Variants in TMTC1 observed in about 807,000 individuals in gnomAD.
The protein encoded by TMTC1 is transmembrane O-mannosyltransferase targeting cadherins 1.
A neutral mutation model predicts 104.8 loss-of-function variants in TMTC1; 73 were observed. The observed-to-expected ratio is 0.70, with a 90% CI of 0.58 to 0.85. TMTC1 has a LOEUF of 0.85. Ranked by LOEUF, TMTC1 falls within the 40% of genes least tolerant of loss-of-function variation. The probability of loss-of-function intolerance (pLI) is 0.00; values close to 1 mark genes in which losing one functional copy is unlikely to be tolerated. For missense variants in TMTC1, 1,035 were observed against 1,096.1 expected (o/e 0.94, Z 0.79); for synonymous variants, 434 against 428.7 (o/e 1.01, Z -0.15).
Position 29,686,910 on chromosome 12 carries a change from T to C in TMTC1, c.939-53574A>G, listed in dbSNP as rs532352463. On this transcript the variant is annotated intron_variant, in intron 5 of 17. Transcript: ENST00000539277. The stretch of plus-strand genomic sequence containing the variant: ...AACAAGTGATGTATTTTCACCACAT[T>C]TGGAGTTATGTAGTATGATTGGAAT... Among the ~76,000 whole-genome samples the C allele has an allele frequency of 4.6e-5, 7 of 152,278 alleles. No homozygotes were observed. The East Asian group carries it at 1.2e-3, about 25-fold the overall frequency.
intron 16 of TMTC1, among the ~76,000 whole-genome samples, chr12:29,513,854 T>C (rs1943907362): frequency 1.3e-5 from 2 of 152,130 alleles, no homozygotes; most frequent in South Asian, 4.1e-4. Flanking sequence ...AGATAAACTA[T>C]GCAAGGATTT....
intron 7 of TMTC1, among the ~76,000 whole-genome samples, chr12:29,585,663 T>TA (rs372238584): frequency 0.052 from 7,858 of 152,298 alleles, 673 homozygotes; most frequent in African/African-American, 0.18. Context: ...TACATATGGC[T>TA]AGCCAGTTTT....
chr12:29,770,405 T>C (rs1016072080), intron 1 of TMTC1, among the ~76,000 whole-genome samples: 1 of 152,172 alleles, frequency 6.6e-6, no homozygotes, highest in Non-Finnish European at 1.5e-5. Flanking sequence ...AAAATACTTC[T>C]GTAAGACAGA....
intron 6 of TMTC1, among the ~76,000 whole-genome samples, chr12:29,630,528 C>A (rs1440329639): frequency 6.6e-6 from 1 of 152,130 alleles, no homozygotes; most frequent in Non-Finnish European, 1.5e-5. Context: ...ACAGCCAAAC[C>A]ATGTCATATA....
chr12:29,713,474 T>G (rs930295247), intron 5 of TMTC1, among the ~76,000 whole-genome samples: 3 of 152,102 alleles, frequency 2.0e-5, no homozygotes. Flanking sequence ...TGTAACATCA[T>G]GCACTGACCA....
chr12:29,740,981 C>G (rs1942810039), intron 5 of TMTC1, among the ~76,000 whole-genome samples: 1 of 152,092 alleles, frequency 6.6e-6, no homozygotes, highest in African/African-American at 2.4e-5. Flanking sequence ...TTTAAACAAA[C>G]TTTTAAAAGT....
intron 1 of TMTC1, among the ~76,000 whole-genome samples, chr12:29,772,494 T>C (rs1943616728): frequency 6.6e-6 from 1 of 152,156 alleles, no homozygotes. Context: ...AAGAGGAGAA[T>C]ATTCCCATGT....
intron 6 of TMTC1, among the ~76,000 whole-genome samples, chr12:29,613,707 C>T (rs1946905529): frequency 6.6e-6 from 1 of 152,182 alleles, no homozygotes; most frequent in South Asian, 2.1e-4. Context: ...AAATCAGATA[C>T]ATTTTCATAA....
intron 10 of TMTC1, among the ~76,000 whole-genome samples, chr12:29,554,732 A>G (rs951719293): frequency 2.0e-5 from 3 of 152,014 alleles, no homozygotes; most frequent in Non-Finnish European, 4.4e-5. Context: ...TTAGCCAGCC[A>G]TGGGGGGGCA....
chr12:29,718,212 G>C (rs2136869563), intron 5 of TMTC1, among the ~76,000 whole-genome samples: 1 of 152,308 alleles, frequency 6.6e-6, no homozygotes, highest in Non-Finnish European at 1.5e-5. Flanking sequence ...AACCAGAAGG[G>C]AACCAATACT....
chr12:29,649,791 TG>T (rs1251408979), intron 5 of TMTC1, among the ~76,000 whole-genome samples: 1 of 152,238 alleles, frequency 6.6e-6, no homozygotes, highest in Non-Finnish European at 1.5e-5. Context: ...GTCAACTTTC[TG>T]GTGCCCAGAG....
rs374463899 is a variant in TMTC1 at position 29,752,487 on chromosome 12, GC to G, written c.732-616del. Among the ~76,000 whole-genome samples, 31 of 152,264 alleles carry G rather than the reference GC, an allele frequency of 2.0e-4. 1 individual carries two copies. In the East Asian group the frequency reaches 4.2e-3, roughly 21 times the overall value. Reference sequence around the variant, plus strand: ...TGCAGTTAACGTGCATCTATCCTTTGCCCAGCAACTACACTTCCATGGCTAC... The same window carrying G: ...TGCAGTTAACGTGCATCTATCCTTTGCCAGCAACTACACTTCCATGGCTAC... On this transcript the variant is annotated intron_variant, in intron 4 of 17. Coordinates refer to ENST00000539277, the MANE Select transcript of TMTC1 (RefSeq NM_001193451.2).
intron 5 of TMTC1, among the ~76,000 whole-genome samples, chr12:29,665,302 GT>G (rs1319416189): frequency 1.3e-5 from 2 of 152,198 alleles, no homozygotes; most frequent in African/African-American, 2.4e-5. Context: ...TATTGGCATT[GT>G]AAAACAGTAT....
chr12:29,517,329 C>A, intron 14 of TMTC1, 98 bp downstream of exon 14: 1 of 1,351,034 alleles, frequency 7.4e-7, no homozygotes, highest in Non-Finnish European at 1.0e-6. Context: ...GGATATATTA[C>A]GGCATTCCAG....
rs116709602 is a variant in TMTC1, at chr12:29,632,405, T to C, written c.1128+742A>G. ...GGATCAGGTGGAGATAGTTAAATCA[T>C]GGGGGCAGTTTCCCCCATTCTGCTC... On this transcript the variant is annotated intron_variant, in intron 6 of 17. Transcript: ENST00000539277. 1.9e-3 allele frequency among the ~76,000 whole-genome samples: 286 copies of C among 152,316 alleles called. 1 individual carries two copies. Among genetic ancestry groups the C allele is most frequent in the African/African-American group, 6.5e-3 (272 of 41,584 alleles).
At chr12:29,621,870 C>G (rs986034353) in intron 6 of TMTC1, among the ~76,000 whole-genome samples, 3 of 152,096 alleles carry the variant, frequency 2.0e-5, no homozygotes, top group African/African-American at 4.8e-5. Context: ...AGCCCTACCC[C>G]ACCCCTACCC....
chr12:29,529,851 T>C (rs890583096), intron 11 of TMTC1: 2 of 152,174 alleles, frequency 1.3e-5, no homozygotes, highest in Non-Finnish European at 2.9e-5. Context: ...AATCCTAGAT[T>C]TTCTCATCTA....
rs1435045521 is a variant in TMTC1, at chr12:29,589,599, T to C, written c.1251-6025A>G. On this transcript the variant is annotated intron_variant, in intron 7 of 17. Transcript: ENST00000539277. ...TCAATAGTCATTTTCTGCCTCCTTG[T>C]AGGAACAGAGCTGCCATCTGGTAGA... is the stretch of plus-strand genomic sequence containing the variant. Among the ~76,000 whole-genome samples, 3 of 152,252 alleles carry C rather than the reference T, an allele frequency of 2.0e-5. No homozygotes were observed. The East Asian group carries it at 5.8e-4, about 29-fold the overall frequency.
intron 5 of TMTC1, among the ~76,000 whole-genome samples, chr12:29,685,348 A>C (rs962401407): frequency 2.7e-5 from 4 of 150,888 alleles, no homozygotes; most frequent in Non-Finnish European, 5.9e-5. Flanking sequence ...ATCCTTTGTT[A>C]CCAAAATTAT....
Sources: gnomAD v4.1 joint callset for allele counts (sites outside exome capture counted in the v4.1 genomes callset) on GRCh38, gnomAD v4.1.1 for gene constraint, MANE v1.5 for transcripts, NCBI Gene and HGNC (gene_info 2026-07-23, HGNC 2026-07-21) for gene names.